PTGFRN: variants seen among roughly 807,000 people sequenced by gnomAD.
PTGFRN encodes prostaglandin F2 receptor negative regulator.
A neutral mutation model predicts 83.2 loss-of-function variants in PTGFRN; 35 were observed. That is an observed-to-expected ratio of 0.42 (90% CI 0.32 to 0.56). The LOEUF (loss-of-function observed/expected upper bound fraction) is 0.56, where lower values mean the gene tolerates loss of function less well. PTGFRN is among the 20% of genes least tolerant of loss of function. The pLI is 0.11. For missense variants in PTGFRN, 1,051 were observed against 1,179.5 expected (o/e 0.89, Z 1.60); for synonymous variants, 519 against 498.6 (o/e 1.04, Z -0.55).
intron 4 of PTGFRN, among the ~76,000 whole-genome samples, chr1:116,950,443 T>G (rs956647852): frequency 1.3e-5 from 2 of 152,192 alleles, no homozygotes; most frequent in African/African-American, 4.8e-5. Context: ...TTTTGATCTC[T>G]CTACTGTCCG....
chr1:116,947,561 C>CTGTGTAT (rs1322593890), intron 3 of PTGFRN, among the ~76,000 whole-genome samples: 2 of 152,228 alleles, frequency 1.3e-5, no homozygotes, highest in African/African-American at 4.8e-5. Flanking sequence ...GCTGAAGAGA[C>CTGTGTAT]ATCCCTGCCA....
intron 6 of PTGFRN, among the ~76,000 whole-genome samples, chr1:116,971,715 G>T (rs1166390386): frequency 6.6e-6 from 1 of 152,176 alleles, no homozygotes; most frequent in Admixed American, 6.5e-5. Flanking sequence ...CAGCACAAAT[G>T]CTCTGTTGAT....
intron 1 of PTGFRN, among the ~76,000 whole-genome samples, chr1:116,925,203 G>A (rs1425612694): frequency 1.3e-5 from 2 of 152,200 alleles, no homozygotes; most frequent in African/African-American, 4.8e-5. Flanking sequence ...TGAGGCGGGC[G>A]GATCGCTTGA....
At chr1:116,910,476 G>A (rs1388232301) in intron 1 of PTGFRN, among the ~76,000 whole-genome samples, 2 of 151,514 alleles carry the variant, frequency 1.3e-5, no homozygotes, top group Non-Finnish European at 3.0e-5. Flanking sequence ...GGGTGCAAGT[G>A]GCCGCTCCGC....
intron 4 of PTGFRN, among the ~76,000 whole-genome samples, chr1:116,953,908 A>G (rs990415174): frequency 6.8e-6 from 1 of 146,906 alleles, no homozygotes; most frequent in Non-Finnish European, 1.5e-5. Flanking sequence ...GCTGGAGTGC[A>G]GTGGTGCAGT....
chr1:116,927,557 C>T (rs926994619), intron 1 of PTGFRN, among the ~76,000 whole-genome samples: 3 of 124,420 alleles, frequency 2.4e-5, no homozygotes, highest in African/African-American at 1.5e-4. Context: ...TACAGGGTCT[C>T]GACCTGTTCC....
intron 1 of PTGFRN, among the ~76,000 whole-genome samples, chr1:116,930,772 CTT>C (rs1649775989): frequency 1.3e-5 from 2 of 152,262 alleles, no homozygotes; most frequent in East Asian, 3.9e-4. Context: ...CCAGTCTGCT[CTT>C]GATACACTGT....
At chr1:116,971,918 G>C (rs753250529) in intron 6 of PTGFRN, among the ~76,000 whole-genome samples, 13 of 152,162 alleles carry the variant, frequency 8.5e-5, no homozygotes, top group Non-Finnish European at 1.8e-4. Flanking sequence ...TGTTCTCTTA[G>C]AAGGGGCCTG....
At chr1:116,964,084 C>CCG (rs1553180901) in intron 5 of PTGFRN, among the ~76,000 whole-genome samples, 4 of 151,968 alleles carry the variant, frequency 2.6e-5, no homozygotes, top group African/African-American at 9.7e-5. Context: ...CGGGCGCCCC[C>CCG]CCTTTTTTAT....
Position 116,986,870 on chromosome 1 carries a change from G to A in PTGFRN, c.2543G>A (p.Cys848Tyr). 1.2e-6 allele frequency: 2 copies of A among 1,614,218 alleles called. No individual in the cohort carries two copies. The highest frequency in any genetic ancestry group is 1.7e-6 in the Non-Finnish European group (2 of 1,180,024). ...GLSTVIGLLS[C>Y]LIGYCSSHWC... is the part of the protein sequence containing the mutation. ...TCCACGGTCATCGGGCTCCTGTCCTGTCTCATCGGGTACTGCAGCTCCCAC... is the reference window on the plus strand; with the variant it reads ...TCCACGGTCATCGGGCTCCTGTCCTATCTCATCGGGTACTGCAGCTCCCAC... Residue 848 changes from cysteine to tyrosine, a missense_variant, in exon 9 of 9, where the codon TGT becomes TAT. By Grantham distance (194) the Cys-to-Tyr change is radical (BLOSUM62 -2). Coordinates refer to ENST00000393203, the MANE Select transcript of PTGFRN (RefSeq NM_020440.4).
chr1:116,929,009 A>G (rs571913731), intron 1 of PTGFRN, among the ~76,000 whole-genome samples: 1 of 152,202 alleles, frequency 6.6e-6, no homozygotes, highest in Admixed American at 6.5e-5. Flanking sequence ...TGCCTACTCC[A>G]CTGCACTTCC....
At chr1:116,985,085 CCAT>C in intron 8 of PTGFRN, 100 bp downstream of exon 8, 1 of 1,232,638 alleles carries the variant, frequency 8.1e-7, no homozygotes. Context: ...GAGGAATGTG[CCAT>C]AGCACGTCCT....
At chr1:116,974,022 A>T (rs559167354) in intron 6 of PTGFRN, among the ~76,000 whole-genome samples, 194 bp from the exon 7 acceptor site, 5 of 152,342 alleles carry the variant, frequency 3.3e-5, no homozygotes, top group African/African-American at 1.2e-4. Flanking sequence ...TCTTAAGATG[A>T]AGCTCACTTG....
At chr1:116,959,658 A>G (rs955510364) in intron 4 of PTGFRN, among the ~76,000 whole-genome samples, 1 of 152,176 alleles carries the variant, frequency 6.6e-6, no homozygotes, top group African/African-American at 2.4e-5. Flanking sequence ...CCCAGAAGGC[A>G]AAGTGCTATG....
chr1:116,920,790 A>C (rs1005998422), intron 1 of PTGFRN, among the ~76,000 whole-genome samples: 1 of 152,058 alleles, frequency 6.6e-6, no homozygotes, highest in Non-Finnish European at 1.5e-5. Flanking sequence ...CACCGGGCTA[A>C]TTTTTGTATT....
intron 7 of PTGFRN, among the ~76,000 whole-genome samples, chr1:116,983,462 C>G (rs1651376056): frequency 6.7e-6 from 1 of 149,508 alleles, no homozygotes; most frequent in South Asian, 2.1e-4. Context: ...TCCCTCTGCC[C>G]CCAGGGAGCT....
intron 4 of PTGFRN, among the ~76,000 whole-genome samples, chr1:116,956,955 C>T (rs1318573838): frequency 6.6e-6 from 1 of 152,076 alleles, no homozygotes; most frequent in African/African-American, 2.4e-5. Context: ...TAGGAACCCT[C>T]AGAGTGGAGA....
intron 4 of PTGFRN, among the ~76,000 whole-genome samples, chr1:116,956,262 G>A (rs1212695444): frequency 6.6e-6 from 1 of 152,168 alleles, no homozygotes; most frequent in African/African-American, 2.4e-5. Context: ...GTTTGCCTTT[G>A]CATTAAAACT....
intron 3 of PTGFRN, among the ~76,000 whole-genome samples, chr1:116,948,472 G>A (rs1419818461): frequency 6.6e-6 from 1 of 152,202 alleles, no homozygotes; most frequent in Non-Finnish European, 1.5e-5. Flanking sequence ...ATGTGGGAAT[G>A]TCTAAGAAAT....
Sources: gnomAD v4.1 joint callset for allele counts (sites outside exome capture counted in the v4.1 genomes callset) on GRCh38, gnomAD v4.1.1 for gene constraint, MANE v1.5 for transcripts, NCBI Gene and HGNC (gene_info 2026-07-23, HGNC 2026-07-21) for gene names.